STAR: variants seen among roughly 807,000 people sequenced by gnomAD.
The protein encoded by STAR is steroidogenic acute regulatory protein, also known as steroidogenic acute regulatory protein, mitochondrial.
Under a neutral mutation model 32.3 loss-of-function variants are expected in STAR, and 32 were observed. That is an observed-to-expected ratio of 0.99 (90% confidence interval 0.75 to 1.33). STAR has a LOEUF of 1.33. STAR is among the 40% of genes most tolerant of loss of function. STAR has a pLI of 0.00. For synonymous variants in STAR, 134 were observed against 140.5 expected, an observed-to-expected ratio of 0.95 and a Z score of 0.33; for missense variants, 375 against 379.0, an observed-to-expected ratio of 0.99 and a Z score of 0.09.
Position 38,145,253 on chromosome 8 carries a change from T to C in STAR, c.713A>G (p.Lys238Arg). Reference sequence around the variant, plus strand: ...GTCGATGCTGAGTAGCCACGTAAGTTTGGTCTTAGAGGGACTTCCAGCCAA... The same window carrying C: ...GTCGATGCTGAGTAGCCACGTAAGTCTGGTCTTAGAGGGACTTCCAGCCAA... ...HPLAGSPSKT[K>R]LTWLLSIDLK... Residue 238 changes from lysine (K) to arginine (R), a missense_variant, in exon 6 of 7, where the codon AAA becomes AGA. Transcript: ENST00000276449. 6.2e-7 allele frequency: 1 copy of C among 1,614,028 alleles called. No homozygotes were observed. The highest frequency in any genetic ancestry group is 8.5e-7 in the Non-Finnish European group (1 of 1,179,982).
Position 38,150,849 on chromosome 8 carries a change from T to C in STAR, c.-31A>G. 3 of 1,601,462 alleles carry C rather than the reference T, an allele frequency of 1.9e-6. No individual in the cohort carries two copies. The highest frequency in any genetic ancestry group is 2.5e-6 in the Non-Finnish European group (3 of 1,179,716). On this transcript the variant is annotated 5_prime_UTR_variant, in exon 1 of 7. Coordinates refer to ENST00000276449, the MANE Select transcript of STAR (RefSeq NM_000349.3). Reference sequence around the variant, plus strand: ...CCTGGCAAATGTGGCAGTGGTGGGGTCGCTGCCGCTGCTGCTGCCGCCGCT... The same window carrying C: ...CCTGGCAAATGTGGCAGTGGTGGGGCCGCTGCCGCTGCTGCTGCCGCCGCT...
Position 38,144,321 on chromosome 8 carries a change from G to T in STAR, c.810C>A (p.His270Gln). Residue 270 changes from histidine (H) to glutamine (Q), a missense_variant, in exon 7 of 7, where the codon CAC (histidine) becomes CAA (glutamine). Physicochemically the swap from His to Gln is conservative, Grantham distance 24. Transcript: ENST00000276449. ...GGTGGGACTCCAGGCGCTTGCGCAGGTGGTTGGCAAAATCCACCTGGGTCT... is the reference window on the plus strand; with the variant it reads ...GGTGGGACTCCAGGCGCTTGCGCAGTTGGTTGGCAAAATCCACCTGGGTCT... ...LSQTQVDFAN[H>Q]LRKRLESHPA... 6.2e-7 allele frequency: 1 copy of T among 1,610,266 alleles called. No individual in the cohort carries two copies. The highest frequency in any genetic ancestry group is 8.5e-7 in the Non-Finnish European group (1 of 1,178,476).
At position 38,143,970 on chromosome 8, in the gene STAR, G is replaced by T. The variant is rs1802514211; in HGVS notation, c.*303C>A. 2.7e-6 allele frequency: 1 copy of T among 368,754 alleles called. No individual in the cohort carries two copies. Among genetic ancestry groups the T allele is most frequent in the South Asian group, 2.1e-5 (1 of 46,516 alleles). The allele number at this position is 368,754 out of a possible 1,614,324, so 22.8% of individuals were successfully genotyped here. On this transcript the variant is annotated 3_prime_UTR_variant, in exon 7 of 7. Transcript: ENST00000276449. ...TATCAGCCACTAGCATTTTAAAGAT[G>T]GTTTTAGGTGGGTACATAAGGGCCC...
chr8:38,148,116 A>G, intron 3 of STAR, 84 bp downstream of exon 3: 1 of 1,592,722 alleles, frequency 6.3e-7, no homozygotes, highest in Non-Finnish European at 8.6e-7. Flanking sequence ...TGAGACAGGA[A>G]TTCTGGGAAA....
chr8:38,144,316 C>G lies in STAR; in HGVS notation c.815G>C (p.Arg272Pro). 1 of 1,609,836 alleles carries G rather than the reference C, an allele frequency of 6.2e-7. No homozygotes were observed. The highest frequency in any genetic ancestry group is 8.5e-7 in the Non-Finnish European group (1 of 1,178,292). The part of the protein sequence containing the change: ...QTQVDFANHL[R>P]KRLESHPASE... The stretch of plus-strand genomic sequence containing the variant: ...GGCAGGGTGGGACTCCAGGCGCTTG[C>G]GCAGGTGGTTGGCAAAATCCACCTG... Residue 272 changes from arginine (R) to proline (P), a missense_variant, in exon 7 of 7, where the codon CGC (arginine) becomes CCC (proline). Coordinates refer to ENST00000276449, the MANE Select transcript of STAR (RefSeq NM_000349.3).
intron 1 of STAR, 58 bp downstream of exon 1, chr8:38,150,697 G>A: frequency 6.2e-7 from 1 of 1,602,068 alleles, no homozygotes; most frequent in Non-Finnish European, 8.5e-7. Context: ...TGGGTGGCCT[G>A]AGCCTCATCC....
chr8:38,144,535 G>A (rs1802529105), intron 6 of STAR, 149 bp from the exon 7 acceptor site: 2 of 1,499,466 alleles, frequency 1.3e-6, no homozygotes, highest in South Asian at 1.2e-5. Flanking sequence ...AGGGCGGGAG[G>A]ACTGCATTGC....
At position 38,143,465 on chromosome 8, in the gene STAR, C is replaced by G. The variant is rs1003169711; in HGVS notation, c.*808G>C. ...ACGACTACAGGTTTGCGCCACCACA[C>G]CCAGCTAATTTTTTGTATTTTAGTA... On this transcript the variant is annotated 3_prime_UTR_variant, in exon 7 of 7. Transcript: ENST00000276449. Among the ~76,000 whole-genome samples, 4 of 152,162 alleles carry G rather than the reference C, an allele frequency of 2.6e-5. No homozygotes were observed. The highest frequency in any genetic ancestry group is 5.9e-5 in the Non-Finnish European group (4 of 68,034).
At chr8:38,146,470 G>A in intron 3 of STAR, 23 bp from the exon 4 acceptor site, 1 of 1,612,628 alleles carries the variant, frequency 6.2e-7, no homozygotes, top group African/African-American at 1.3e-5. Context: ...GGAGCCCCCA[G>A]AAGGTGGTTA....
At chr8:38,150,468 G>A in intron 1 of STAR, among the ~76,000 whole-genome samples, 1 of 149,914 alleles carries the variant, frequency 6.7e-6, no homozygotes, top group South Asian at 2.1e-4. Flanking sequence ...AAGGAAGAAA[G>A]AAAGGAAAGG....
At chr8:38,146,184 C>T (rs1263541081) in intron 4 of STAR, 37 bp from the exon 5 acceptor site, 2 of 1,613,736 alleles carry the variant, frequency 1.2e-6, no homozygotes, top group Admixed American at 3.3e-5. Context: ...ACGACTCAGC[C>T]TGTGTTGGGC....
In STAR at chr8:38,144,199, C is replaced by T; in HGVS notation, c.*74G>A. On this transcript the variant is annotated 3_prime_UTR_variant, in exon 7 of 7. Transcript: ENST00000276449. The stretch of plus-strand genomic sequence containing the variant: ...CAGATGGAGATCTTAGACTTGCAGG[C>T]TTCCAGTAGGGATTCTCCTGATGAG... 2 of 1,453,216 alleles carry T rather than the reference C, an allele frequency of 1.4e-6. No individual in the cohort carries two copies. The highest frequency in any genetic ancestry group is 1.9e-6 in the Non-Finnish European group (2 of 1,063,430). 90.0% of individuals were successfully genotyped at this position (1,453,216 alleles called of 1,614,324 possible). A position where few individuals can be genotyped will look rare whatever the true frequency, so the allele number is the denominator to read the frequency against.
intron 3 of STAR, 35 bp from the exon 4 acceptor site, chr8:38,146,482 A>G: frequency 6.2e-7 from 1 of 1,610,830 alleles, no homozygotes; most frequent in Non-Finnish European, 8.5e-7. Context: ...AGGTGGTTAG[A>G]CAAAAATATT....
At position 38,143,355 on chromosome 8, in the gene STAR, G is replaced by A. The variant is rs1802500698; in HGVS notation, c.*918C>T. Among the ~76,000 whole-genome samples, 1 of 148,496 alleles carries A rather than the reference G, an allele frequency of 6.7e-6. No homozygotes were observed. On this transcript the variant is annotated 3_prime_UTR_variant, in exon 7 of 7. Transcript: ENST00000276449. ...GGAGTCTCACTCTGTCGCCCACGCT[G>A]GAGCGCAGTGGCACAATCTCGGCCC...
rs1802513015 is a variant in STAR at position 38,143,928 on chromosome 8, A to G, written c.*345T>C. The G allele has an allele frequency of 5.7e-6, 2 of 351,376 alleles. No homozygotes were observed. The highest frequency in any genetic ancestry group is 1.1e-5 in the Non-Finnish European group (2 of 178,816). 21.8% of individuals were successfully genotyped at this position (351,376 alleles called of 1,614,324 possible). ...GCAAGACTTCTCAGGCCCTGTGGTT[A>G]GCATCCCCCACACCCATATCAGCCA... On this transcript the variant is annotated 3_prime_UTR_variant, in exon 7 of 7. Transcript: ENST00000276449.
chr8:38,144,442 C>T, intron 6 of STAR, 56 bp from the exon 7 acceptor site: 1 of 1,549,740 alleles, frequency 6.5e-7, no homozygotes. Context: ...CCACTCTTGA[C>T]ACTGCACCCT....
intron 3 of STAR, among the ~76,000 whole-genome samples, chr8:38,147,407 A>G (rs994081107): frequency 3.3e-5 from 5 of 152,200 alleles, no homozygotes; most frequent in African/African-American, 4.8e-5. Context: ...ACACCAGCTT[A>G]ATTAGATACA....
At position 38,148,655 on chromosome 8, in the gene STAR, C is replaced by T. The variant is rs779586809; in HGVS notation, c.164G>A (p.Arg55Gln). 20 of 1,613,982 alleles carry T rather than the reference C, an allele frequency of 1.2e-5. No homozygotes were observed. Among genetic ancestry groups the T allele is most frequent in the Admixed American group, 8.3e-5 (5 of 60,008 alleles). Residue 55 changes from arginine (R) to glutamine (Q), a missense_variant, in exon 2 of 7, where the codon CGG (arginine) becomes CAG (glutamine). Coordinates refer to ENST00000276449, the MANE Select transcript of STAR (RefSeq NM_000349.3). ...PSTWINQVRR[R>Q]SSLLGSRLEE... ...TCAGCACTTACCGAGTAGAGAGCTC[C>T]GCCGCCGAACCTGGTTAATCCACGT...
In STAR at chr8:38,144,024, G is replaced by C; in HGVS notation, c.*249C>G. On this transcript the variant is annotated 3_prime_UTR_variant, in exon 7 of 7. Coordinates refer to ENST00000276449, the MANE Select transcript of STAR (RefSeq NM_000349.3). ...AAAAAAGTTTTACAATTATTTTAGG[G>C]GCCTGAACCCTCATGTCATAGCTAA... 1 of 460,036 alleles carries C rather than the reference G, an allele frequency of 2.2e-6. No individual in the cohort carries two copies. Among genetic ancestry groups the C allele is most frequent in the South Asian group, 2.0e-5 (1 of 49,470 alleles). 28.5% of individuals were successfully genotyped at this position (460,036 alleles called of 1,614,324 possible).
Sources: allele counts gnomAD v4.1 joint callset (sites outside exome capture counted in the v4.1 genomes callset), GRCh38; gene constraint gnomAD v4.1.1; transcripts MANE v1.5; gene names NCBI Gene and HGNC (gene_info 2026-07-23, HGNC 2026-07-21).